Variants in CSMD1 observed in about 807,000 individuals in gnomAD.
CSMD1 encodes the protein CUB and sushi domain-containing protein 1.
In CSMD1, 213 loss-of-function variants were observed where a neutral mutation model predicts 417.5. The ratio of observed to expected loss-of-function variants is 0.51; its 90% CI spans 0.46 to 0.57. The LOEUF is 0.57. Among genes scored for constraint, CSMD1 ranks in the 20% least tolerant of loss-of-function variants. The probability of loss-of-function intolerance (pLI) is 0.00; values close to 1 mark genes in which losing one functional copy is unlikely to be tolerated. For synonymous variants in CSMD1, 2,862 were observed against 1,736.8 expected (o/e 1.65, Z -16.11); for missense variants, 6,923 against 4,529.7 (o/e 1.53, Z -15.17).
At position 3,841,931 on chromosome 8, in the gene CSMD1, T is replaced by C. The variant is rs73658301; in HGVS notation, c.819-87889A>G. On this transcript the variant is annotated intron_variant, in intron 5 of 69. Coordinates refer to ENST00000635120, the MANE Select transcript of CSMD1 (RefSeq NM_033225.6). ...CATGGGATGATCTTCCCCTAGCTGA[T>C]CCTCCAAAAAGAAAAGGAAAGTTAC... is the stretch of plus-strand genomic sequence containing the variant. Among the ~76,000 whole-genome samples the C allele has an allele frequency of 7.4e-4, 113 of 152,186 alleles. 1 individual carries two copies. The highest frequency in any genetic ancestry group is 2.5e-3 in the African/African-American group (105 of 41,530).
chr8:3,392,531 C>T (rs779014761), intron 17 of CSMD1, among the ~76,000 whole-genome samples: 5 of 152,016 alleles, frequency 3.3e-5, no homozygotes, highest in East Asian at 3.9e-4. Context: ...TTTAACCCTC[C>T]GTGACCTCTG....
chr8:4,439,667 C>G (rs1038877728), intron 2 of CSMD1, among the ~76,000 whole-genome samples: 1 of 152,084 alleles, frequency 6.6e-6, no homozygotes, highest in African/African-American at 2.4e-5. Context: ...GGAGTGCGTA[C>G]TATGAAAATG....
At chr8:4,047,913 T>C (rs1235385077) in intron 3 of CSMD1, among the ~76,000 whole-genome samples, 1 of 152,186 alleles carries the variant, frequency 6.6e-6, no homozygotes, top group Non-Finnish European at 1.5e-5. Flanking sequence ...TTATGTAGTA[T>C]TATAAAAATT....
At chr8:4,983,587 A>G (rs546055484) in intron 1 of CSMD1, among the ~76,000 whole-genome samples, 1 of 152,222 alleles carries the variant, frequency 6.6e-6, no homozygotes, top group Admixed American at 6.5e-5. Context: ...CAGTGGTGCA[A>G]TCTCGACTGA....
intron 2 of CSMD1, among the ~76,000 whole-genome samples, chr8:4,542,434 T>C (rs1031433350): frequency 6.6e-6 from 1 of 152,252 alleles, no homozygotes; most frequent in Admixed American, 6.5e-5. Flanking sequence ...TGACGTTTTA[T>C]AGAACACAGT....
chr8:4,179,353 G>A (rs990326616), intron 3 of CSMD1, among the ~76,000 whole-genome samples: 1 of 152,140 alleles, frequency 6.6e-6, no homozygotes, highest in Admixed American at 6.5e-5. Flanking sequence ...AATAAATGGT[G>A]CTGGGAAAAC....
At position 2,966,690 on chromosome 8, in the gene CSMD1, C is replaced by T. The variant is rs746052682; in HGVS notation, c.8980G>A (p.Gly2994Ser). ...PTNGMIVSSD[G>S]ILFSSSVIYA... ...ATGACCGAGCTGGAGAACAGAATGCCATCACTACTGACAATCATTCCGTTG... is the reference window on the plus strand; with the variant it reads ...ATGACCGAGCTGGAGAACAGAATGCTATCACTACTGACAATCATTCCGTTG... The change falls in exon 58 of 70, where the codon GGC (glycine) becomes AGC (serine). Residue 2994 changes from glycine to serine, a missense_variant. Coordinates refer to ENST00000635120, the MANE Select transcript of CSMD1 (RefSeq NM_033225.6). 35 of 1,613,782 alleles carry T rather than the reference C, an allele frequency of 2.2e-5. No homozygotes were observed. The Admixed American group carries it at 5.5e-4, about 25-fold the overall frequency.
At chr8:4,245,505 G>C (rs1631394) in intron 3 of CSMD1, among the ~76,000 whole-genome samples, 49,276 of 151,966 alleles carry the variant, frequency 0.32, 9,100 homozygotes, top group Middle Eastern at 0.5. Flanking sequence ...GCCTAAGGTT[G>C]GATGTTTCCC....
At chr8:3,840,750 C>T (rs1272371263) in intron 5 of CSMD1, among the ~76,000 whole-genome samples, 1 of 138,932 alleles carries the variant, frequency 7.2e-6, no homozygotes, top group Non-Finnish European at 1.5e-5. Flanking sequence ...GGCTGGAGTT[C>T]AGTGGCAGGA....
intron 3 of CSMD1, among the ~76,000 whole-genome samples, chr8:4,195,307 G>C (rs193228517): frequency 2.6e-5 from 4 of 152,002 alleles, no homozygotes; most frequent in Non-Finnish European, 5.9e-5. Context: ...AATATTAATA[G>C]GCAGAAAAGG....
At chr8:4,640,307 C>A (rs1400835382) in intron 1 of CSMD1, among the ~76,000 whole-genome samples, 1 of 152,130 alleles carries the variant, frequency 6.6e-6, no homozygotes. Context: ...TGCAAACAAC[C>A]AAGAAGTTTT....
chr8:3,511,536 C>G, intron 10 of CSMD1, among the ~76,000 whole-genome samples: 1 of 151,506 alleles, frequency 6.6e-6, no homozygotes, highest in Non-Finnish European at 1.5e-5. Flanking sequence ...AGGTAGATCA[C>G]TTGAGGTCAG....
At chr8:4,586,731 G>C (rs1210650799) in intron 2 of CSMD1, among the ~76,000 whole-genome samples, 1 of 152,162 alleles carries the variant, frequency 6.6e-6, no homozygotes, top group Non-Finnish European at 1.5e-5. Context: ...GCCTGTGAGA[G>C]AGATCCTCCA....
intron 2 of CSMD1, among the ~76,000 whole-genome samples, chr8:4,589,455 A>G (rs1354602794): frequency 6.6e-6 from 1 of 152,204 alleles, no homozygotes; most frequent in African/African-American, 2.4e-5. Context: ...TAAAGGGTTA[A>G]GTTAAGTAAG....
At chr8:4,462,467 G>C (rs1026342714) in intron 2 of CSMD1, among the ~76,000 whole-genome samples, 4 of 152,002 alleles carry the variant, frequency 2.6e-5, no homozygotes, top group Non-Finnish European at 4.4e-5. Context: ...ATCTCTGCTG[G>C]CTTATTTGCG....
intron 5 of CSMD1, among the ~76,000 whole-genome samples, chr8:3,978,819 A>G (rs1813636365): frequency 6.6e-6 from 1 of 152,082 alleles, no homozygotes; most frequent in Non-Finnish European, 1.5e-5. Flanking sequence ...TCGGTGATTT[A>G]CTGAGGTCTC....
chr8:3,863,315 T>G (rs1804847833), intron 5 of CSMD1, among the ~76,000 whole-genome samples: 1 of 150,486 alleles, frequency 6.6e-6, no homozygotes, highest in African/African-American at 2.5e-5. Flanking sequence ...GAGAATCGCT[T>G]GAACCCAGGA....
intron 68 of CSMD1, among the ~76,000 whole-genome samples, chr8:2,948,518 C>T (rs1236968789): frequency 6.6e-6 from 1 of 152,030 alleles, no homozygotes; most frequent in Non-Finnish European, 1.5e-5. Flanking sequence ...AACCTCTTTC[C>T]ACATCAATAT....
At chr8:4,068,296 G>C (rs914623234) in intron 3 of CSMD1, among the ~76,000 whole-genome samples, 1 of 152,274 alleles carries the variant, frequency 6.6e-6, no homozygotes, top group East Asian at 1.9e-4. Context: ...TGTAGCTGGA[G>C]GACAGTGTAT....
Sources: gnomAD v4.1 joint callset for allele counts (sites outside exome capture counted in the v4.1 genomes callset) on GRCh38, gnomAD v4.1.1 for gene constraint, MANE v1.5 for transcripts, NCBI Gene and HGNC (gene_info 2026-07-23, HGNC 2026-07-21) for gene names.